The following SLC25A21 variants were observed in gnomAD, a reference collection of about 807,000 sequenced individuals.
The protein encoded by SLC25A21 is mitochondrial 2-oxodicarboxylate carrier.
In SLC25A21, 47 loss-of-function variants were observed where a neutral mutation model predicts 43.8. That is an observed-to-expected ratio of 1.07 (90% CI 0.85 to 1.37). The LOEUF (loss-of-function observed/expected upper bound fraction) is 1.37, where lower values mean the gene tolerates loss of function less well. Among genes scored for constraint, SLC25A21 ranks in the 40% most tolerant of loss-of-function variants. The pLI, the probability that SLC25A21 is intolerant of heterozygous loss-of-function variation, is 0.00. For missense variants in SLC25A21, 352 were observed against 350.2 expected, an observed-to-expected ratio of 1.00 and a Z score of -0.04; for synonymous variants, 131 against 121.3, an observed-to-expected ratio of 1.08 and a Z score of -0.52.
chr14:37,051,183 C>T (rs923537261), intron 1 of SLC25A21, among the ~76,000 whole-genome samples: 6 of 152,120 alleles, frequency 3.9e-5, no homozygotes, highest in African/African-American at 7.2e-5. Context: ...GTCTAAGCAC[C>T]GCATAAATAT....
intron 1 of SLC25A21, among the ~76,000 whole-genome samples, chr14:37,087,991 C>T (rs1594786594): frequency 6.6e-6 from 1 of 152,138 alleles, no homozygotes; most frequent in East Asian, 1.9e-4. Context: ...TTTTCATGTG[C>T]ACTTTTGTGG....
chr14:36,712,826 T>G (rs559832436), intron 6 of SLC25A21, among the ~76,000 whole-genome samples: 2 of 152,332 alleles, frequency 1.3e-5, no homozygotes, highest in Admixed American at 6.5e-5. Context: ...TACTTTCTGT[T>G]TGACAACATG....
intron 9 of SLC25A21, among the ~76,000 whole-genome samples, chr14:36,681,632 A>T (rs1301942416): frequency 2.0e-5 from 3 of 150,434 alleles, no homozygotes. Flanking sequence ...TATCCTGAAC[A>T]CAACTTAGAG....
At chr14:36,879,536 T>C (rs980462669) in intron 1 of SLC25A21, among the ~76,000 whole-genome samples, 4 of 152,172 alleles carry the variant, frequency 2.6e-5, no homozygotes, top group Non-Finnish European at 5.9e-5. Context: ...TGAATGAAAC[T>C]GGTAATTTGA....
At chr14:36,884,136 C>T (rs1364148800) in intron 1 of SLC25A21, among the ~76,000 whole-genome samples, 1 of 152,158 alleles carries the variant, frequency 6.6e-6, no homozygotes, top group Non-Finnish European at 1.5e-5. Flanking sequence ...TCCCCTTTCC[C>T]CATCCACTCT....
chr14:37,075,427 T>C (rs1176015958), intron 1 of SLC25A21, among the ~76,000 whole-genome samples: 3 of 152,186 alleles, frequency 2.0e-5, no homozygotes, highest in Non-Finnish European at 4.4e-5. Flanking sequence ...TCACTTAAAT[T>C]AATTTTAAAA....
chr14:37,103,804 C>T (rs1962861744), intron 1 of SLC25A21, among the ~76,000 whole-genome samples: 1 of 152,202 alleles, frequency 6.6e-6, no homozygotes, highest in Admixed American at 6.5e-5. Context: ...GTCACTTCTA[C>T]CTGCTTCTCA....
At chr14:37,032,658 G>A in intron 1 of SLC25A21, among the ~76,000 whole-genome samples, 1 of 100,630 alleles carries the variant, frequency 9.9e-6, no homozygotes, top group African/African-American at 5.7e-5. Flanking sequence ...GCAACAGAGT[G>A]AGACTCTGTC....
intron 2 of SLC25A21, among the ~76,000 whole-genome samples, chr14:36,848,515 G>A (rs141184480): frequency 9.2e-5 from 14 of 152,264 alleles, no homozygotes; most frequent in South Asian, 4.2e-4. Flanking sequence ...GATTCTCCAC[G>A]GAACTCTTCG....
intron 1 of SLC25A21, among the ~76,000 whole-genome samples, chr14:36,956,548 A>C (rs76691555): frequency 0.016 from 2,464 of 152,308 alleles, 78 homozygotes; most frequent in African/African-American, 0.056. Context: ...TTAGCTCCCT[A>C]GCATTTGCTC....
At chr14:36,859,998 T>C (rs903118255) in intron 2 of SLC25A21, among the ~76,000 whole-genome samples, 1 of 152,024 alleles carries the variant, frequency 6.6e-6, no homozygotes, top group Non-Finnish European at 1.5e-5. Flanking sequence ...TATATACATA[T>C]ATATATCAAT....
rs1285829313 is a variant in SLC25A21, at chr14:36,979,806, CT to C, written c.71-104803del. Among the ~76,000 whole-genome samples the C allele has an allele frequency of 5.9e-5, 9 of 152,290 alleles. No homozygotes were observed. In the East Asian group the frequency reaches 9.6e-4, roughly 16 times the overall value. On this transcript the variant is annotated intron_variant, in intron 1 of 9. Coordinates refer to ENST00000331299, the MANE Select transcript of SLC25A21 (RefSeq NM_030631.4). ...TGTAAATTAATCATGGTGTTTTCAT[CT>C]TTGTTTCTGACTTTCTAAAGAAAGA...
At chr14:37,061,512 TC>T (rs111858194) in intron 1 of SLC25A21, among the ~76,000 whole-genome samples, 32,145 of 152,104 alleles carry the variant, frequency 0.21, 7,860 homozygotes, top group African/African-American at 0.6. Flanking sequence ...CATGATTTTT[TC>T]CCCTCTAGTC....
At chr14:37,160,509 T>C (rs1326708013) in intron 1 of SLC25A21, among the ~76,000 whole-genome samples, 1 of 152,074 alleles carries the variant, frequency 6.6e-6, no homozygotes, top group African/African-American at 2.4e-5. Context: ...ACGTGGGAGC[T>C]AAAACATTTG....
intron 1 of SLC25A21, among the ~76,000 whole-genome samples, chr14:37,015,122 T>C (rs1187740458): frequency 6.6e-6 from 1 of 151,976 alleles, no homozygotes; most frequent in Non-Finnish European, 1.5e-5. Flanking sequence ...ACATGTGCCA[T>C]GCTGGTGTGC....
intron 3 of SLC25A21, among the ~76,000 whole-genome samples, chr14:36,744,943 T>C (rs1885429435): frequency 1.3e-5 from 2 of 152,112 alleles, no homozygotes; most frequent in Admixed American, 1.3e-4. Flanking sequence ...ATGTGCCATG[T>C]TGGTTTGCTG....
At chr14:37,106,166 GA>G (rs999576325) in intron 1 of SLC25A21, among the ~76,000 whole-genome samples, 1 of 151,388 alleles carries the variant, frequency 6.6e-6, no homozygotes, top group Non-Finnish European at 1.5e-5. Context: ...AGTGCACCTT[GA>G]AAAAAAACAG....
intron 3 of SLC25A21, among the ~76,000 whole-genome samples, chr14:36,800,897 T>G (rs1056574138): frequency 6.6e-6 from 1 of 152,198 alleles, no homozygotes; most frequent in Non-Finnish European, 1.5e-5. Context: ...TAGAGGACAC[T>G]GTGCATAAAC....
intron 1 of SLC25A21, among the ~76,000 whole-genome samples, chr14:37,137,142 C>T (rs1963495431): frequency 6.6e-6 from 1 of 152,198 alleles, no homozygotes; most frequent in African/African-American, 2.4e-5. Flanking sequence ...GGACTACAGG[C>T]GCCCGCCACC....
Sources: gnomAD v4.1 joint callset for allele counts (sites outside exome capture counted in the v4.1 genomes callset) on GRCh38, gnomAD v4.1.1 for gene constraint, MANE v1.5 for transcripts, NCBI Gene and HGNC (gene_info 2026-07-23, HGNC 2026-07-21) for gene names.